CNTN4: variants seen among roughly 807,000 people sequenced by gnomAD.
The protein encoded by CNTN4 is contactin-4.
In CNTN4, 77 loss-of-function variants were observed where a neutral mutation model predicts 122.5. The ratio of observed to expected loss-of-function variants is 0.63; its 90% CI spans 0.52 to 0.76. The LOEUF is 0.76. Among genes scored for constraint, CNTN4 ranks in the 30% least tolerant of loss-of-function variants. The probability of loss-of-function intolerance (pLI) is 0.00; values close to 1 mark genes in which losing one functional copy is unlikely to be tolerated. For synonymous variants in CNTN4, 512 were observed against 447.0 expected (o/e 1.15, Z -1.83); for missense variants, 1,256 against 1,259.1 (o/e 1.00, Z 0.04).
chr3:2,174,090 T>A (rs1575001740), intron 2 of CNTN4, among the ~76,000 whole-genome samples: 1 of 152,106 alleles, frequency 6.6e-6, no homozygotes, highest in South Asian at 2.1e-4. Context: ...GTTTGGTGAG[T>A]AGTTGAATAA....
At chr3:2,457,747 A>C (rs2049052996) in intron 3 of CNTN4, among the ~76,000 whole-genome samples, 1 of 152,076 alleles carries the variant, frequency 6.6e-6, no homozygotes, top group African/African-American at 2.4e-5. Context: ...CTCAACCTAA[A>C]TGCAGAAATT....
rs190063635 is a variant in CNTN4 at position 2,434,219 on chromosome 3, T to C, written c.-89+94986T>C. Among the ~76,000 whole-genome samples the C allele has an allele frequency of 1.2e-4, 18 of 152,334 alleles. No homozygotes were observed. The East Asian group carries it at 2.3e-3, about 20-fold the overall frequency. On this transcript the variant is annotated intron_variant, in intron 3 of 24. Coordinates refer to ENST00000418658, the MANE Select transcript of CNTN4 (RefSeq NM_175607.3). The stretch of plus-strand genomic sequence containing the variant: ...TTTGTTCATTAGCCTGATTTAATCA[T>C]TTCATATTGTAAACATATTTGATAA...
At chr3:2,984,034 C>A (rs1031476394) in intron 13 of CNTN4, among the ~76,000 whole-genome samples, 1 of 152,046 alleles carries the variant, frequency 6.6e-6, no homozygotes, top group Non-Finnish European at 1.5e-5. Flanking sequence ...GACCCTAAAC[C>A]AATATCAGGC....
intron 9 of CNTN4, among the ~76,000 whole-genome samples, chr3:2,884,003 G>C (rs537776051): frequency 4.6e-5 from 7 of 152,120 alleles, no homozygotes; most frequent in Non-Finnish European, 7.4e-5. Context: ...TTAATGATCC[G>C]TGTCAATCTT....
intron 4 of CNTN4, among the ~76,000 whole-genome samples, chr3:2,689,724 C>A (rs1298629084): frequency 6.6e-6 from 1 of 152,018 alleles, no homozygotes; most frequent in Non-Finnish European, 1.5e-5. Flanking sequence ...TATAAGAGAC[C>A]TACATTTTTC....
intron 3 of CNTN4, among the ~76,000 whole-genome samples, chr3:2,547,557 G>A (rs2078301125): frequency 6.6e-6 from 1 of 152,020 alleles, no homozygotes. Flanking sequence ...GAGCCATCAT[G>A]CCTGGCCATG....
At chr3:2,548,045 A>G (rs541524554) in intron 3 of CNTN4, among the ~76,000 whole-genome samples, 3 of 152,182 alleles carry the variant, frequency 2.0e-5, no homozygotes, top group Non-Finnish European at 4.4e-5. Context: ...TAGATTCTGG[A>G]TATTATCCCT....
intron 7 of CNTN4, among the ~76,000 whole-genome samples, chr3:2,865,458 ACACT>A (rs1254012682): frequency 6.6e-6 from 1 of 152,202 alleles, no homozygotes; most frequent in Admixed American, 6.5e-5. Flanking sequence ...TTTTCCAAGG[ACACT>A]TTATACATTT....
At chr3:2,274,208 A>C (rs13078247) in intron 2 of CNTN4, among the ~76,000 whole-genome samples, 80,683 of 151,794 alleles carry the variant, frequency 0.53, 22,247 homozygotes, top group South Asian at 0.68. Context: ...CATGGTGAAA[A>C]CCTGTCTCTA....
rs561871530 is a variant in CNTN4, at chr3:2,285,483, C to T, written c.-144-53695C>T. Among the ~76,000 whole-genome samples the T allele has an allele frequency of 3.9e-5, 6 of 152,118 alleles. No individual in the cohort carries two copies. In the South Asian group the frequency reaches 1.0e-3, roughly 26 times the overall value. ...ATACCTCACAGTTTGATTTTTTCTT[C>T]TTCCTCTCCCTGCACATTTTTTACT... On this transcript the variant is annotated intron_variant, in intron 2 of 24. Transcript: ENST00000418658.
At chr3:2,366,454 G>T (rs1017998864) in intron 3 of CNTN4, among the ~76,000 whole-genome samples, 2 of 151,976 alleles carry the variant, frequency 1.3e-5, no homozygotes, top group Non-Finnish European at 2.9e-5. Flanking sequence ...AAGGCTGGAC[G>T]CAGTGGCTCA....
chr3:2,225,858 C>T (rs2039261629), intron 2 of CNTN4, among the ~76,000 whole-genome samples: 1 of 152,106 alleles, frequency 6.6e-6, no homozygotes, highest in African/African-American at 2.4e-5. Flanking sequence ...TGGGTCTCTC[C>T]TTTTAGGGGA....
chr3:2,166,744 G>A (rs931841423), intron 2 of CNTN4, among the ~76,000 whole-genome samples: 1 of 152,120 alleles, frequency 6.6e-6, no homozygotes, highest in Non-Finnish European at 1.5e-5. Context: ...GCCTAGCCTT[G>A]TTCCTGAAGG....
intron 6 of CNTN4, among the ~76,000 whole-genome samples, chr3:2,770,745 G>A (rs1405891456): frequency 1.3e-5 from 2 of 152,198 alleles, no homozygotes; most frequent in Admixed American, 6.5e-5. Flanking sequence ...AAAAGCTGAC[G>A]CAGTGGGAAT....
At chr3:2,331,309 T>C (rs913610025) in intron 2 of CNTN4, among the ~76,000 whole-genome samples, 3 of 152,150 alleles carry the variant, frequency 2.0e-5, no homozygotes, top group Non-Finnish European at 4.4e-5. Flanking sequence ...GATACTGCAT[T>C]GTAGAAGTAG....
At chr3:2,947,250 C>A (rs1465233353) in intron 13 of CNTN4, among the ~76,000 whole-genome samples, 1 of 152,180 alleles carries the variant, frequency 6.6e-6, no homozygotes, top group Non-Finnish European at 1.5e-5. Context: ...AAAGACCACA[C>A]ACTTCAAGAA....
chr3:2,607,847 A>AT (rs1230569482), intron 4 of CNTN4, among the ~76,000 whole-genome samples: 1 of 152,046 alleles, frequency 6.6e-6, no homozygotes, highest in East Asian at 1.9e-4. Flanking sequence ...TCAATTTATG[A>AT]TTTTTTCCAT....
chr3:2,119,791 G>A (rs200122421), intron 2 of CNTN4, among the ~76,000 whole-genome samples: 2 of 94,102 alleles, frequency 2.1e-5, no homozygotes, highest in South Asian at 1.1e-3. Context: ...GAAAAGAAAA[G>A]AAGTGGATAT....
At chr3:2,122,926 T>G (rs945172465) in intron 2 of CNTN4, among the ~76,000 whole-genome samples, 2 of 152,194 alleles carry the variant, frequency 1.3e-5, no homozygotes, top group East Asian at 3.9e-4. Context: ...TAAGAGCTCA[T>G]TGAATGTCTC....
Sources: allele counts gnomAD v4.1 joint callset (sites outside exome capture counted in the v4.1 genomes callset), GRCh38; gene constraint gnomAD v4.1.1; transcripts MANE v1.5; gene names NCBI Gene and HGNC (gene_info 2026-07-23, HGNC 2026-07-21).